Variants in ICA1 observed in about 807,000 individuals in gnomAD.
ICA1 encodes islet cell autoantigen 1.
Under a neutral mutation model 71.0 loss-of-function variants are expected in ICA1, and 40 were observed. That is an observed-to-expected ratio of 0.56 (90% CI 0.44 to 0.73). The LOEUF (loss-of-function observed/expected upper bound fraction) is 0.73. ICA1 is among the 30% of genes least tolerant of loss of function. The pLI, the probability that ICA1 is intolerant of heterozygous loss-of-function variation, is 0.00. For missense variants in ICA1, 578 were observed against 576.5 expected, an observed-to-expected ratio of 1.00 and a Z score of -0.03; for synonymous variants, 207 against 209.5, an observed-to-expected ratio of 0.99 and a Z score of 0.10.
chr7:8,128,176 C>A (rs370731524), intron 12 of ICA1, 34 bp from the exon 13 acceptor site: 1 of 1,601,062 alleles, frequency 6.2e-7, no homozygotes, highest in Non-Finnish European at 8.5e-7. Context: ...AACGTCACCA[C>A]GGAGGGCTCA....
rs545601914 is a variant in ICA1 at position 8,130,958 on chromosome 7, G to A, written c.1061-2816C>T. On this transcript the variant is annotated intron_variant, in intron 12 of 13. Transcript: ENST00000402384. The surrounding 1 kb of genome is among the most constrained non-coding windows in gnomAD (Gnocchi z 4.2). ...CTTCTCCATGTGATCCTGGTGAGAT[G>A]CCTCTGGAAATGACTCCTTACCCTC... Among the ~76,000 whole-genome samples, 2 of 152,128 alleles carry A rather than the reference G, an allele frequency of 1.3e-5. No homozygotes were observed. Among genetic ancestry groups the A allele is most frequent in the South Asian group, 4.1e-4 (2 of 4,830 alleles).
intron 6 of ICA1, among the ~76,000 whole-genome samples, chr7:8,199,339 C>T (rs1445846990): frequency 6.6e-6 from 1 of 152,130 alleles, no homozygotes; most frequent in African/African-American, 2.4e-5. Context: ...TGGAAGCAAC[C>T]TAAGTGTCCA....
chr7:8,213,170 A>C (rs1367334355), intron 6 of ICA1, among the ~76,000 whole-genome samples: 2 of 152,250 alleles, frequency 1.3e-5, no homozygotes, highest in Non-Finnish European at 2.9e-5. Context: ...TATGAAACAA[A>C]TACATTTAAG....
At chr7:8,261,523 C>G (rs1029762125) in intron 1 of ICA1, among the ~76,000 whole-genome samples, 2 of 152,168 alleles carry the variant, frequency 1.3e-5, no homozygotes, top group African/African-American at 4.8e-5. Context: ...CACCTCGCCC[C>G]CGGGGGACCA....
chr7:8,158,489 C>T (rs768875851), intron 7 of ICA1, 38 bp downstream of exon 7: 55 of 1,609,770 alleles, frequency 3.4e-5, no homozygotes, highest in South Asian at 1.2e-4. Flanking sequence ...AAACCTTGTG[C>T]CATCCTTGGT....
intron 6 of ICA1, among the ~76,000 whole-genome samples, chr7:8,206,253 A>G (rs565486620): frequency 6.6e-6 from 1 of 152,014 alleles, no homozygotes; most frequent in East Asian, 1.9e-4. Context: ...CTCAGGCACT[A>G]GTTTTGATCC....
intron 6 of ICA1, among the ~76,000 whole-genome samples, chr7:8,202,370 G>A (rs138463309): frequency 6.6e-6 from 1 of 152,292 alleles, no homozygotes; most frequent in Non-Finnish European, 1.5e-5. Context: ...AGATCATAGT[G>A]TCTTCCTCTT....
intron 6 of ICA1, among the ~76,000 whole-genome samples, chr7:8,166,255 T>C (rs1421700488): frequency 1.3e-5 from 2 of 152,184 alleles, no homozygotes; most frequent in African/African-American, 4.8e-5. Context: ...TGGGCCTATA[T>C]GCACATAAGG....
chr7:8,215,629 T>C (rs1795163337), intron 6 of ICA1, among the ~76,000 whole-genome samples: 1 of 152,180 alleles, frequency 6.6e-6, no homozygotes, highest in Admixed American at 6.5e-5. Context: ...ATTTGTTGAA[T>C]GGACAAATAA....
At chr7:8,151,157 C>T (rs1212335964) in intron 8 of ICA1, among the ~76,000 whole-genome samples, 1 of 152,250 alleles carries the variant, frequency 6.6e-6, no homozygotes, top group Non-Finnish European at 1.5e-5. Flanking sequence ...TTTCACCTCA[C>T]CCTTTGCAGA....
At chr7:8,166,257 C>T (rs971713266) in intron 6 of ICA1, among the ~76,000 whole-genome samples, 2 of 152,096 alleles carry the variant, frequency 1.3e-5, no homozygotes, top group African/African-American at 4.8e-5. Context: ...GGCCTATATG[C>T]ACATAAGGCA....
At chr7:8,189,629 C>G (rs1784932515) in intron 6 of ICA1, among the ~76,000 whole-genome samples, 1 of 152,144 alleles carries the variant, frequency 6.6e-6, no homozygotes, top group Non-Finnish European at 1.5e-5. Context: ...TACCCCATAG[C>G]TGAGCTCAAC....
chr7:8,155,777 A>C (rs138061799), intron 8 of ICA1, among the ~76,000 whole-genome samples: 2,214 of 152,286 alleles, frequency 0.015, 40 homozygotes, highest in Admixed American at 0.051. Context: ...ACTTTTAACC[A>C]ATCTGCCTTG....
intron 1 of ICA1, among the ~76,000 whole-genome samples, chr7:8,246,441 G>A (rs577032417): frequency 4.5e-4 from 69 of 152,160 alleles, no homozygotes; most frequent in Non-Finnish European, 9.3e-4. Flanking sequence ...CAGAAATATA[G>A]GTGAAGGAAA....
At chr7:8,228,200 T>A (rs1003453041) in intron 4 of ICA1, among the ~76,000 whole-genome samples, 8 of 152,162 alleles carry the variant, frequency 5.3e-5, no homozygotes, top group Admixed American at 3.3e-4. Context: ...AGAAATGTTG[T>A]CAACAAAATG....
chr7:8,212,035 G>A (rs934302510), intron 6 of ICA1, among the ~76,000 whole-genome samples: 7 of 152,138 alleles, frequency 4.6e-5, no homozygotes, highest in Non-Finnish European at 8.8e-5. Flanking sequence ...TTACCCATTT[G>A]TAAATACCAA....
intron 8 of ICA1, among the ~76,000 whole-genome samples, chr7:8,155,288 T>G (rs531440205): frequency 3.3e-5 from 5 of 152,360 alleles, no homozygotes; most frequent in African/African-American, 9.6e-5. Context: ...CAGATAGTCA[T>G]CTGCCCAAAA....
intron 1 of ICA1, among the ~76,000 whole-genome samples, chr7:8,237,465 G>C (rs982953140): frequency 1.9e-4 from 29 of 152,244 alleles, no homozygotes; most frequent in African/African-American, 7.0e-4. Context: ...TGGTAAAAAA[G>C]TTTATTCTTT....
At chr7:8,127,131 C>T (rs1463022636) in intron 13 of ICA1, among the ~76,000 whole-genome samples, 2 of 151,716 alleles carry the variant, frequency 1.3e-5, no homozygotes, top group East Asian at 3.9e-4. Flanking sequence ...CAGGCATGTG[C>T]CATCATGCCT....
Sources: gnomAD v4.1 joint callset for allele counts (sites outside exome capture counted in the v4.1 genomes callset) on GRCh38, gnomAD v4.1.1 for gene constraint, Gnocchi (gnomAD v3.1) non-coding constraint, MANE v1.5 for transcripts, NCBI Gene and HGNC (gene_info 2026-07-23, HGNC 2026-07-21) for gene names.